PARD3: variants seen among roughly 807,000 people sequenced by gnomAD.
The protein encoded by PARD3 is partitioning defective 3 homolog.
A neutral mutation model predicts 155.4 loss-of-function variants in PARD3; 75 were observed. The ratio of observed to expected loss-of-function variants is 0.48; its 90% CI spans 0.40 to 0.58. The LOEUF is 0.58. Among genes scored for constraint, PARD3 ranks in the 20% least tolerant of loss-of-function variants. PARD3 has a pLI of 0.00. For synonymous variants in PARD3, 576 were observed against 610.5 expected (o/e 0.94, Z 0.83); for missense variants, 1,642 against 1,721.7 (o/e 0.95, Z 0.82).
At chr10:34,809,705 C>G (rs557836206) in intron 1 of PARD3, among the ~76,000 whole-genome samples, 59 of 152,224 alleles carry the variant, frequency 3.9e-4, no homozygotes, top group African/African-American at 1.3e-3. Flanking sequence ...TTGGAGAACG[C>G]GGGACAAAGG....
chr10:34,112,918 T>C (rs1415006202), intron 24 of PARD3, among the ~76,000 whole-genome samples: 1 of 152,160 alleles, frequency 6.6e-6, no homozygotes, highest in Non-Finnish European at 1.5e-5. Flanking sequence ...GACTGCACCA[T>C]TTGTACAGTC....
In PARD3 at chr10:34,450,424, G is replaced by A. The variant is rs374283873; in HGVS notation, c.607C>T (p.Pro203Ser). Reference sequence around the variant, plus strand: ...TTAGACCAGTTACTAGTATCCCGCGGGAGGCTTCTGTAGTTTTCATCTTTC... The same window carrying A: ...TTAGACCAGTTACTAGTATCCCGCGAGAGGCTTCTGTAGTTTTCATCTTTC... ...RKKDENYRSL[P>S]RDTSNWSNQF... The change falls in exon 5 of 25, where the codon CCG becomes TCG. Residue 203 changes from proline to serine, a missense_variant. Physicochemically the swap from Pro to Ser is moderately conservative, Grantham distance 74. This residue lies in a region of PARD3 where 1,529 missense variants were observed against 1,587.3 expected (regional missense o/e 0.96). Transcript: ENST00000374788. 50 of 1,612,824 alleles carry A rather than the reference G, an allele frequency of 3.1e-5. 1 individual carries two copies. Among genetic ancestry groups the A allele is most frequent in the Non-Finnish European group, 4.1e-5 (48 of 1,179,656 alleles).
At chr10:34,720,569 G>T (rs545422098) in intron 1 of PARD3, among the ~76,000 whole-genome samples, 2 of 151,884 alleles carry the variant, frequency 1.3e-5, no homozygotes, top group African/African-American at 2.4e-5. Context: ...AGGCTGAAGC[G>T]GGCGGATCAC....
rs760646218 is a variant in PARD3, at chr10:34,345,894, T to G, written c.2218+2071A>C. The stretch of plus-strand genomic sequence containing the variant: ...GACAAAAAGTGAGGAATTTTCAAAT[T>G]TGCAAAACACAAGATGAATCAAAAT... On this transcript the variant is annotated intron_variant, in intron 15 of 24. Coordinates refer to ENST00000374788, the MANE Select transcript of PARD3 (RefSeq NM_001184785.2). The G allele has an allele frequency of 1.0e-5, 10 of 985,154 alleles. No individual in the cohort carries two copies. The South Asian group carries it at 4.2e-4, about 42-fold the overall frequency. The allele number at this position is 985,154 out of a possible 1,614,324, so 61.0% of individuals were successfully genotyped here.
At chr10:34,579,493 G>T in intron 2 of PARD3, among the ~76,000 whole-genome samples, 1 of 151,118 alleles carries the variant, frequency 6.6e-6, no homozygotes, top group African/African-American at 2.4e-5. Context: ...AAAAAAATAC[G>T]TAAGAAGCCT....
In PARD3 at chr10:34,814,857, C is replaced by A; in HGVS notation, c.120+19G>T. The A allele has an allele frequency of 1.4e-6, 2 of 1,474,246 alleles. No individual in the cohort carries two copies. Among genetic ancestry groups the A allele is most frequent in the Non-Finnish European group, 1.8e-6 (2 of 1,098,730 alleles). The allele number at this position is 1,474,246 out of a possible 1,614,324, so 91.3% of individuals were successfully genotyped here. ...TCCCCGCCGCCGCCCCCTCCCCGCC[C>A]GCGCCCCCGGCCCCTCACCTTGGCG... On this transcript the variant is annotated intron_variant, in intron 1 of 24. Coordinates refer to ENST00000374788, the MANE Select transcript of PARD3 (RefSeq NM_001184785.2).
chr10:34,352,694 A>G (rs1838251305), intron 14 of PARD3, among the ~76,000 whole-genome samples: 1 of 152,162 alleles, frequency 6.6e-6, no homozygotes, highest in South Asian at 2.1e-4. Context: ...TCAGCTCGCT[A>G]CAATCTCCAC....
chr10:34,363,567 A>G (rs1839667142), intron 12 of PARD3, among the ~76,000 whole-genome samples: 1 of 152,242 alleles, frequency 6.6e-6, no homozygotes, highest in Admixed American at 6.5e-5. Context: ...GAAATGCTAT[A>G]TTACTGAGAA....
At chr10:34,354,638 T>C (rs987514261) in intron 14 of PARD3, among the ~76,000 whole-genome samples, 1 of 152,100 alleles carries the variant, frequency 6.6e-6, no homozygotes, top group South Asian at 2.1e-4. Flanking sequence ...AAGACTGCGT[T>C]AAGTCTTTGC....
intron 20 of PARD3, among the ~76,000 whole-genome samples, chr10:34,306,236 G>A (rs529438058): frequency 7.0e-4 from 105 of 149,598 alleles, no homozygotes; most frequent in Middle Eastern, 3.8e-3. Flanking sequence ...GGCTGAGATC[G>A]CGCCAGTGCA....
chr10:34,746,908 C>T (rs560489521), intron 1 of PARD3, among the ~76,000 whole-genome samples: 46 of 152,304 alleles, frequency 3.0e-4, no homozygotes, highest in African/African-American at 1.1e-3. Flanking sequence ...GCGAGACACC[C>T]TGACTTCTGC....
chr10:34,162,852 C>T (rs563755187), intron 22 of PARD3, among the ~76,000 whole-genome samples: 44 of 152,214 alleles, frequency 2.9e-4, no homozygotes, highest in Admixed American at 5.2e-4. Context: ...CCACACACTT[C>T]CAACAGGACT....
At chr10:34,368,857 A>AAAT (rs1840268962) in intron 12 of PARD3, among the ~76,000 whole-genome samples, 1 of 151,506 alleles carries the variant, frequency 6.6e-6, no homozygotes, top group South Asian at 2.1e-4. Context: ...AAAAAAAAAA[A>AAAT]AAAATCAACA....
intron 2 of PARD3, among the ~76,000 whole-genome samples, chr10:34,665,898 A>AACAGAACAGAACAGAACAGT (rs2093454186): frequency 6.6e-6 from 1 of 150,474 alleles, no homozygotes; most frequent in African/African-American, 2.5e-5. Context: ...AACAGAACAG[A>AACAGAACAGAACAGAACAGT]ACAGAACAAA....
chr10:34,787,476 G>A (rs1841117047), intron 1 of PARD3, among the ~76,000 whole-genome samples: 1 of 152,232 alleles, frequency 6.6e-6, no homozygotes, highest in African/African-American at 2.4e-5. Context: ...GTAAGAAGGT[G>A]AGCAGCCAAG....
At chr10:34,556,483 C>T (rs1375632377) in intron 2 of PARD3, among the ~76,000 whole-genome samples, 4 of 151,756 alleles carry the variant, frequency 2.6e-5, no homozygotes, top group East Asian at 3.9e-4. Context: ...CCCAGGTTCA[C>T]GCCATTCTCT....
intron 2 of PARD3, among the ~76,000 whole-genome samples, chr10:34,625,513 C>T (rs548281334): frequency 1.1e-4 from 16 of 152,310 alleles, no homozygotes; most frequent in South Asian, 4.1e-4. Flanking sequence ...GTTGACACAA[C>T]GTAGCTAGAA....
chr10:34,263,715 T>C (rs1955147182), intron 22 of PARD3, among the ~76,000 whole-genome samples: 1 of 152,322 alleles, frequency 6.6e-6, no homozygotes, highest in East Asian at 1.9e-4. Flanking sequence ...CATTCTCTTG[T>C]ACGTTACACT....
intron 22 of PARD3, among the ~76,000 whole-genome samples, chr10:34,167,612 G>A (rs1474397016): frequency 6.7e-6 from 1 of 148,956 alleles, no homozygotes; most frequent in East Asian, 1.9e-4. Context: ...ATGTAAGGAA[G>A]AACATCTGAA....
Sources: gnomAD v4.1 joint callset for allele counts (sites outside exome capture counted in the v4.1 genomes callset) on GRCh38, gnomAD v4.1.1 for gene constraint, gnomAD v4.1.1 regional missense constraint, MANE v1.5 for transcripts, NCBI Gene and HGNC (gene_info 2026-07-23, HGNC 2026-07-21) for gene names.